PDZD8: variants seen among roughly 807,000 people sequenced by gnomAD.
PDZD8 encodes PDZ domain-containing protein 8.
In PDZD8, 14 loss-of-function variants were observed where a neutral mutation model predicts 85.8. The observed-to-expected ratio is 0.16, with a 90% confidence interval of 0.11 to 0.26. PDZD8 has a LOEUF of 0.26. Among genes scored for constraint, PDZD8 ranks in the 10% least tolerant of loss-of-function variants. The pLI is 1.00. For synonymous variants in PDZD8, 592 were observed against 568.6 expected (o/e 1.04, Z -0.59); for missense variants, 1,197 against 1,424.3 (o/e 0.84, Z 2.57).
At chr10:117,285,809 T>C in intron 4 of PDZD8, 2 of 914,550 alleles carry the variant, frequency 2.2e-6, no homozygotes, top group Non-Finnish European at 2.6e-6. Context: ...ACTGAAGAAG[T>C]GAACAGAGAG....
intron 1 of PDZD8, among the ~76,000 whole-genome samples, chr10:117,365,639 C>T (rs1212646192): frequency 6.6e-6 from 1 of 152,100 alleles, no homozygotes. Context: ...AATTAACGTG[C>T]ATATCACATT....
At chr10:117,328,885 C>T (rs1844365408) in intron 2 of PDZD8, among the ~76,000 whole-genome samples, 1 of 152,184 alleles carries the variant, frequency 6.6e-6, no homozygotes, top group African/African-American at 2.4e-5. Context: ...AGCACCAGGC[C>T]TTGACTGATA....
At chr10:117,342,393 T>TGCACAC (rs1844629808) in intron 1 of PDZD8, among the ~76,000 whole-genome samples, 1 of 145,578 alleles carries the variant, frequency 6.9e-6, no homozygotes, top group Non-Finnish European at 1.5e-5. Context: ...CACAAACAGA[T>TGCACAC]ACACACACAC....
chr10:117,374,274 C>A lies in PDZD8; in HGVS notation c.872+82G>T. 1 of 1,562,778 alleles carries A rather than the reference C, an allele frequency of 6.4e-7. No homozygotes were observed. Among genetic ancestry groups the A allele is most frequent in the South Asian group, 1.2e-5 (1 of 81,472 alleles). On this transcript the variant is annotated intron_variant, in intron 1 of 4. Transcript: ENST00000334464. This position sits in a 1 kb window ranked among gnomAD's most constrained non-coding sequence, Gnocchi z 7.8. Reference sequence around the variant, plus strand: ...AGCAGGCGCCAGGACAGAAATGAGCCTTTGCCCTTCCCAATCCACGCAGCG... The same window carrying A: ...AGCAGGCGCCAGGACAGAAATGAGCATTTGCCCTTCCCAATCCACGCAGCG...
At chr10:117,370,486 G>GT (rs763189686) in intron 1 of PDZD8, among the ~76,000 whole-genome samples, 11 of 152,310 alleles carry the variant, frequency 7.2e-5, no homozygotes, top group East Asian at 5.8e-4. Flanking sequence ...CCAAAGGATC[G>GT]TAAGACTCCA....
chr10:117,285,285 G>A lies in PDZD8; in HGVS notation c.1448C>T (p.Ala483Val), dbSNP rs542707705. The A allele has an allele frequency of 6.2e-7, 1 of 1,614,090 alleles. No individual in the cohort carries two copies. The highest frequency in any genetic ancestry group is 1.3e-5 in the African/African-American group (1 of 75,010). The change falls in exon 5 of 5, where the codon GCC becomes GTC. Residue 483 changes from alanine (A) to valine (V), a missense_variant. By Grantham distance (64) the Ala-to-Val change is moderately conservative. Coordinates refer to ENST00000334464, the MANE Select transcript of PDZD8 (RefSeq NM_173791.5). The stretch of plus-strand genomic sequence containing the variant: ...ACTTTCAGTATCTACTGTCAACCCG[G>A]CAGCTTCCTCTTCATAACCCGATTG... ...SCQSGYEEEA[A>V]GLTVDTESRE...
At chr10:117,288,076 C>G (rs1844695984) in intron 4 of PDZD8, among the ~76,000 whole-genome samples, 1 of 152,140 alleles carries the variant, frequency 6.6e-6, no homozygotes, top group African/African-American at 2.4e-5. Context: ...AACTCTCTCT[C>G]AGGAATACAC....
Position 117,285,381 on chromosome 10 carries a change from T to G in PDZD8, c.1352A>C (p.Gln451Pro). 1 of 1,614,184 alleles carries G rather than the reference T, an allele frequency of 6.2e-7. No individual in the cohort carries two copies. The change falls in exon 5 of 5, where the codon CAG becomes CCG. Residue 451 changes from glutamine to proline, a missense_variant. Gln to Pro is a moderately conservative substitution (Grantham distance 76, BLOSUM62 -1). Around this residue, in one of 4 missense-constraint regions of PDZD8, gnomAD observed 263 missense variants for 261.9 expected, o/e 1.00. Transcript: ENST00000334464. ...TTGCAGCACTGCACCTTGATTACTC[T>G]GGCCAACAGGCCTTTCATAGTACAC... is the stretch of plus-strand genomic sequence containing the variant. ...VLVYYERPVG[Q>P]SNQGAVLQDN... is the part of the protein sequence containing the mutation.
intron 2 of PDZD8, among the ~76,000 whole-genome samples, chr10:117,331,848 T>C (rs1391099640): frequency 6.6e-6 from 1 of 152,054 alleles, no homozygotes; most frequent in Non-Finnish European, 1.5e-5. Context: ...CATCACAACC[T>C]TAGGGAAAAG....
intron 3 of PDZD8, among the ~76,000 whole-genome samples, chr10:117,310,995 C>T (rs938701993): frequency 2.6e-5 from 4 of 152,152 alleles, no homozygotes; most frequent in African/African-American, 9.7e-5. Context: ...TTCAACAATA[C>T]ATGACAGAGG....
At chr10:117,343,640 A>T (rs1229826042) in intron 1 of PDZD8, among the ~76,000 whole-genome samples, 1 of 152,242 alleles carries the variant, frequency 6.6e-6, no homozygotes, top group Non-Finnish European at 1.5e-5. Context: ...GTCAAATATA[A>T]AGTCAAAATT....
intron 1 of PDZD8, among the ~76,000 whole-genome samples, chr10:117,372,716 A>C (rs895142768): frequency 6.6e-6 from 1 of 152,220 alleles, no homozygotes; most frequent in Non-Finnish European, 1.5e-5. Context: ...AATCGAACAC[A>C]GTGAACAACC....
intron 2 of PDZD8, 23 bp downstream of exon 2, chr10:117,340,957 T>C: frequency 6.2e-7 from 1 of 1,613,310 alleles, no homozygotes; most frequent in South Asian, 1.1e-5. Flanking sequence ...CGTAACTTAG[T>C]AATGACAAAA....
intron 2 of PDZD8, among the ~76,000 whole-genome samples, chr10:117,320,932 G>A (rs532476040): frequency 6.6e-6 from 1 of 152,252 alleles, no homozygotes; most frequent in East Asian, 1.9e-4. Context: ...ATTAGCCATT[G>A]AAGAAGGGCA....
At position 117,284,223 on chromosome 10, in the gene PDZD8, G is replaced by A; in HGVS notation, c.2510C>T (p.Thr837Ile). The A allele has an allele frequency of 6.2e-7, 1 of 1,614,172 alleles. No homozygotes were observed. The highest frequency in any genetic ancestry group is 1.1e-5 in the South Asian group (1 of 91,082). Reference sequence around the variant, plus strand: ...ATCCTGAAAACTGTGTTTGTTTTCTGTTAAACCCATCTGTCCAACAAATTG... The same window carrying A: ...ATCCTGAAAACTGTGTTTGTTTTCTATTAAACCCATCTGTCCAACAAATTG... ...EEQFVGQMGL[T>I]ENKHSFQDTQ... Residue 837 changes from threonine to isoleucine, a missense_variant, in exon 5 of 5, where the codon ACA (threonine) becomes ATA (isoleucine). Thr to Ile is a moderately conservative substitution (Grantham distance 89). Transcript: ENST00000334464.
chr10:117,369,013 T>C (rs1845141011), intron 1 of PDZD8, among the ~76,000 whole-genome samples: 1 of 151,922 alleles, frequency 6.6e-6, no homozygotes, highest in Admixed American at 6.6e-5. Context: ...GTGCCATTTT[T>C]AGTAGAAGCG....
intron 1 of PDZD8, among the ~76,000 whole-genome samples, chr10:117,357,766 C>CAA (rs767138640): frequency 4.2e-5 from 2 of 47,472 alleles, no homozygotes; most frequent in Non-Finnish European, 7.5e-5. Context: ...ACTTCATCTC[C>CAA]AAAAAAAAAA....
chr10:117,302,917 T>C (rs1190671580), intron 3 of PDZD8, among the ~76,000 whole-genome samples: 1 of 152,244 alleles, frequency 6.6e-6, no homozygotes, highest in East Asian at 1.9e-4. Context: ...TGTGGAACTG[T>C]TAAGTCCCAT....
chr10:117,346,166 G>C (rs1844703968), intron 1 of PDZD8, among the ~76,000 whole-genome samples: 1 of 151,084 alleles, frequency 6.6e-6, no homozygotes, highest in Non-Finnish European at 1.5e-5. Flanking sequence ...GCTTGAACCT[G>C]GGAGGCGGAG....
Sources: allele counts gnomAD v4.1 joint callset (sites outside exome capture counted in the v4.1 genomes callset), GRCh38; gene constraint gnomAD v4.1.1; regional missense constraint gnomAD v4.1.1; non-coding constraint Gnocchi (gnomAD v3.1); transcripts MANE v1.5; gene names NCBI Gene and HGNC (gene_info 2026-07-23, HGNC 2026-07-21).